The following GSAP variants were observed in gnomAD, a reference collection of about 807,000 sequenced individuals.
GSAP encodes gamma-secretase activating protein, also known as gamma-secretase-activating protein.
Under a neutral mutation model 131.7 loss-of-function variants are expected in GSAP, and 118 were observed. That is an observed-to-expected ratio of 0.90 (90% confidence interval 0.77 to 1.04). GSAP has a LOEUF of 1.04. Among genes scored for constraint, GSAP ranks in the 50% least tolerant of loss-of-function variants. The probability of loss-of-function intolerance (pLI) is 0.00; values close to 1 mark genes in which losing one functional copy is unlikely to be tolerated. For missense variants in GSAP, 1,019 were observed against 1,013.2 expected (o/e 1.01, Z -0.08); for synonymous variants, 381 against 363.4 (o/e 1.05, Z -0.55).
chr7:77,373,746 G>A (rs1796453267), intron 12 of GSAP, among the ~76,000 whole-genome samples: 1 of 152,216 alleles, frequency 6.6e-6, no homozygotes, highest in African/African-American at 2.4e-5. Context: ...AGAAAGCACA[G>A]CCATCGCTGT....
chr7:77,393,426 G>T (rs1052595920), intron 5 of GSAP, among the ~76,000 whole-genome samples: 2 of 151,944 alleles, frequency 1.3e-5, no homozygotes, highest in Non-Finnish European at 2.9e-5. Context: ...CCTCTTACCT[G>T]GCCTTCTGAC....
chr7:77,342,775 A>G (rs1174610112), intron 19 of GSAP, among the ~76,000 whole-genome samples: 1 of 152,250 alleles, frequency 6.6e-6, no homozygotes, highest in Non-Finnish European at 1.5e-5. Context: ...CTCTCCTTAC[A>G]ATTCCCCTAT....
In GSAP at chr7:77,349,338, G is replaced by T; in HGVS notation, c.1545+13C>A. ...TGTATCTGTACTTTTGTTTCTTGCT[G>T]TAAGGGACCTACCTTCATAAGAGGC... On this transcript the variant is annotated intron_variant, in intron 19 of 30. Transcript: ENST00000257626. 6.3e-7 allele frequency: 1 copy of T among 1,593,168 alleles called. No homozygotes were observed. Among genetic ancestry groups the T allele is most frequent in the Non-Finnish European group, 8.6e-7 (1 of 1,161,192 alleles).
chr7:77,348,491 C>A (rs368270601), intron 19 of GSAP, among the ~76,000 whole-genome samples: 6 of 152,252 alleles, frequency 3.9e-5, no homozygotes, highest in African/African-American at 1.2e-4. Flanking sequence ...AGCCTTCCCC[C>A]AGCTGTCCAG....
intron 19 of GSAP, among the ~76,000 whole-genome samples, chr7:77,347,782 A>T (rs1792129759): frequency 6.6e-6 from 1 of 152,162 alleles, no homozygotes; most frequent in Non-Finnish European, 1.5e-5. Context: ...GGGAGAAGAG[A>T]CAGTTGGTAC....
intron 5 of GSAP, among the ~76,000 whole-genome samples, chr7:77,390,946 TAAAAAAAAAAAAAAA>T (rs71085453): frequency 9.8e-4 from 37 of 37,942 alleles, no homozygotes; most frequent in East Asian, 3.1e-3. Flanking sequence ...AGACTCCGTC[TAAAAAAAAAAAAAAA>T]AAAAAAAAAA....
chr7:77,323,707 G>T lies in GSAP; in HGVS notation c.1863C>A (p.His621Gln). 1.2e-6 allele frequency: 2 copies of T among 1,604,374 alleles called. No homozygotes were observed. The highest frequency in any genetic ancestry group is 2.2e-5 in the East Asian group (1 of 44,620). ...VSELKDHFLR[H>Q]LQGVEKKKIE... is the part of the protein sequence containing the mutation. ...TTTTCTTCTTTTCTACACCCTGTAG[G>T]TGTCTCAAAAAATGGTCTTTTAGCT... The change falls in exon 24 of 31, where the codon CAC (histidine) becomes CAA (glutamine). Residue 621 changes from histidine (H) to glutamine (Q), a missense_variant. Transcript: ENST00000257626.
intron 5 of GSAP, among the ~76,000 whole-genome samples, chr7:77,388,499 T>C (rs1365630737): frequency 2.6e-5 from 4 of 152,282 alleles, no homozygotes; most frequent in Non-Finnish European, 4.4e-5. Context: ...AGGAAGTCCA[T>C]GGACACAGGC....
chr7:77,357,001 AAAC>A (rs942698589), intron 14 of GSAP, among the ~76,000 whole-genome samples: 1 of 152,232 alleles, frequency 6.6e-6, no homozygotes, highest in South Asian at 2.1e-4. Context: ...AGAAAACCAC[AAAC>A]AACAATACAG....
chr7:77,332,235 T>C (rs1042111732), intron 19 of GSAP, among the ~76,000 whole-genome samples: 1 of 152,170 alleles, frequency 6.6e-6, no homozygotes, highest in South Asian at 2.1e-4. Context: ...TCACTGCAGC[T>C]CCTAAGAAAA....
chr7:77,317,330 C>G, intron 26 of GSAP, among the ~76,000 whole-genome samples: 1 of 141,012 alleles, frequency 7.1e-6, no homozygotes. Flanking sequence ...ACAATGAGAA[C>G]ACTTGGACAA....
intron 12 of GSAP, among the ~76,000 whole-genome samples, chr7:77,365,862 C>G (rs1168161357): frequency 6.9e-6 from 1 of 145,338 alleles, no homozygotes; most frequent in African/African-American, 2.5e-5. Flanking sequence ...GTGTATAAGT[C>G]TTCCCTTTTC....
chr7:77,339,280 G>A (rs1190349004), intron 19 of GSAP, among the ~76,000 whole-genome samples: 1 of 152,130 alleles, frequency 6.6e-6, no homozygotes, highest in Non-Finnish European at 1.5e-5. Flanking sequence ...TATTACGCGA[G>A]CAGAGATGAG....
At chr7:77,373,681 G>A (rs1360062982) in intron 12 of GSAP, among the ~76,000 whole-genome samples, 1 of 152,178 alleles carries the variant, frequency 6.6e-6, no homozygotes, top group African/African-American at 2.4e-5. Context: ...CTGCAGCATG[G>A]CTCTTAAAGC....
intron 22 of GSAP, 137 bp downstream of exon 22, chr7:77,328,469 G>A: frequency 7.1e-7 from 1 of 1,417,436 alleles, no homozygotes; most frequent in Non-Finnish European, 9.2e-7. Context: ...CACTCTAACA[G>A]CAAGATATTA....
At position 77,382,574 on chromosome 7, in the gene GSAP, A is replaced by G; in HGVS notation, c.526T>C (p.Tyr176His). The change falls in exon 7 of 31, where the codon TAT becomes CAT. Residue 176 changes from tyrosine to histidine, a missense_variant and splice_region_variant. By Grantham distance (83) the Tyr-to-His change is moderately conservative. Transcript: ENST00000257626. ...NHLLLISEEKYIEQFRIHVAQ... is the reference protein window; with the variant it reads ...NHLLLISEEKHIEQFRIHVAQ... The stretch of plus-strand genomic sequence containing the variant: ...ATATTCCACCTAAAGATACACTTAC[A>G]TTTCTCTTCTGAAATCAGTAACAGA... The G allele has an allele frequency of 6.7e-7, 1 of 1,493,330 alleles. No individual in the cohort carries two copies. The highest frequency in any genetic ancestry group is 1.7e-5 in the Admixed American group (1 of 59,844). 92.5% of individuals were successfully genotyped at this position (1,493,330 alleles called of 1,614,324 possible).
chr7:77,394,769 G>A (rs1399767530), intron 5 of GSAP, among the ~76,000 whole-genome samples: 2 of 152,184 alleles, frequency 1.3e-5, no homozygotes, highest in Non-Finnish European at 2.9e-5. Context: ...CATTGGTCAT[G>A]GGTTATTCTC....
intron 19 of GSAP, among the ~76,000 whole-genome samples, chr7:77,332,456 TAAG>T (rs1320534005): frequency 1.3e-5 from 2 of 152,200 alleles, no homozygotes; most frequent in African/African-American, 4.8e-5. Context: ...ATCTGTCTGC[TAAG>T]AAGAAACAGA....
intron 24 of GSAP, among the ~76,000 whole-genome samples, chr7:77,323,000 T>C (rs544833396): frequency 6.6e-6 from 1 of 152,374 alleles, no homozygotes; most frequent in East Asian, 1.9e-4. Context: ...TTTCTCTTTC[T>C]GTGCAAACAT....
Sources: gnomAD v4.1 joint callset for allele counts (sites outside exome capture counted in the v4.1 genomes callset) on GRCh38, gnomAD v4.1.1 for gene constraint, MANE v1.5 for transcripts, NCBI Gene and HGNC (gene_info 2026-07-23, HGNC 2026-07-21) for gene names.